NEGR1: variants seen among roughly 807,000 people sequenced by gnomAD.
The protein encoded by NEGR1 is neuronal growth regulator 1.
A neutral mutation model predicts 40.9 loss-of-function variants in NEGR1; 10 were observed. That is an observed-to-expected ratio of 0.24 (90% CI 0.15 to 0.42). The LOEUF is 0.42. Among genes scored for constraint, NEGR1 ranks in the 10% least tolerant of loss-of-function variants. NEGR1 has a pLI of 1.00. For synonymous variants in NEGR1, 185 were observed against 166.8 expected (o/e 1.11, Z -0.84); for missense variants, 352 against 438.9 (o/e 0.80, Z 1.77).
At chr1:71,502,915 T>A (rs1441748887) in intron 6 of NEGR1, among the ~76,000 whole-genome samples, 1 of 152,148 alleles carries the variant, frequency 6.6e-6, no homozygotes, top group East Asian at 1.9e-4. Context: ...GCAGCGATTC[T>A]TGGGGTGTGC....
intron 2 of NEGR1, among the ~76,000 whole-genome samples, chr1:71,857,177 T>C (rs1285019739): frequency 6.6e-6 from 1 of 152,006 alleles, no homozygotes; most frequent in Admixed American, 6.6e-5. Context: ...TTGAATACAA[T>C]ATAGACTTCA....
chr1:71,847,010 A>G (rs914963459), intron 2 of NEGR1, among the ~76,000 whole-genome samples: 1 of 152,174 alleles, frequency 6.6e-6, no homozygotes, highest in Non-Finnish European at 1.5e-5. Context: ...CTTCTCCCAC[A>G]GTACTTACTC....
intron 6 of NEGR1, among the ~76,000 whole-genome samples, chr1:71,457,119 T>G (rs1646678120): frequency 2.0e-5 from 3 of 152,162 alleles, no homozygotes; most frequent in Admixed American, 2.0e-4. Flanking sequence ...CCTGGGATTC[T>G]TCATTCACAA....
intron 1 of NEGR1, among the ~76,000 whole-genome samples, chr1:72,174,837 T>C (rs1203827189): frequency 1.3e-5 from 2 of 152,114 alleles, no homozygotes; most frequent in African/African-American, 4.8e-5. Context: ...CAACGAAGGA[T>C]AGTAAAAACA....
chr1:72,200,944 TATG>T (rs35404682), intron 1 of NEGR1, among the ~76,000 whole-genome samples: 19,603 of 151,906 alleles, frequency 0.13, 1,644 homozygotes, highest in Non-Finnish European at 0.19. Flanking sequence ...CACCTTTATA[TATG>T]ATAAGTGACA....
At chr1:72,183,027 C>G (rs546776933) in intron 1 of NEGR1, among the ~76,000 whole-genome samples, 1 of 151,684 alleles carries the variant, frequency 6.6e-6, no homozygotes, top group East Asian at 1.9e-4. Flanking sequence ...AAATCTAGAT[C>G]TCTTGTCTCC....
intron 4 of NEGR1, among the ~76,000 whole-genome samples, chr1:71,673,771 G>C (rs1307235095): frequency 6.8e-6 from 1 of 147,614 alleles, no homozygotes; most frequent in African/African-American, 2.5e-5. Flanking sequence ...CAGAGCAGAA[G>C]CCCATATGCA....
At chr1:72,271,233 A>C (rs1455756666) in intron 1 of NEGR1, among the ~76,000 whole-genome samples, 1 of 151,910 alleles carries the variant, frequency 6.6e-6, no homozygotes, top group Non-Finnish European at 1.5e-5. Context: ...AAAAATAAGT[A>C]ACATAAGCTC....
At chr1:72,234,355 C>T (rs759872554) in intron 1 of NEGR1, among the ~76,000 whole-genome samples, 6 of 151,964 alleles carry the variant, frequency 3.9e-5, no homozygotes, top group Middle Eastern at 3.4e-3. Context: ...ATTCTGGACA[C>T]GTGAACTGGC....
In NEGR1 at chr1:72,228,696, A is replaced by G. The variant is rs534549296; in HGVS notation, c.176+53623T>C. ...ATCAAAAGGAAGTATGGATACATCT[A>G]TAGACCAAAAGATGACCAGGGACTT... is the stretch of plus-strand genomic sequence containing the variant. On this transcript the variant is annotated intron_variant, in intron 1 of 6. Transcript: ENST00000357731. Among the ~76,000 whole-genome samples the G allele has an allele frequency of 2.0e-5, 3 of 152,272 alleles. No homozygotes were observed. In the South Asian group the frequency reaches 6.2e-4, roughly 32 times the overall value.
At chr1:72,159,595 TG>T (rs1397880218) in intron 1 of NEGR1, among the ~76,000 whole-genome samples, 6 of 152,168 alleles carry the variant, frequency 3.9e-5, no homozygotes. Context: ...TTAAAATATT[TG>T]GTTTCCATGA....
intron 1 of NEGR1, among the ~76,000 whole-genome samples, chr1:72,013,551 CTAAATA>C (rs1366869595): frequency 1.3e-5 from 2 of 152,040 alleles, no homozygotes; most frequent in South Asian, 2.1e-4. Flanking sequence ...CAATTAAAAT[CTAAATA>C]TAATTATGAC....
At chr1:72,042,068 A>G (rs1215725149) in intron 1 of NEGR1, among the ~76,000 whole-genome samples, 3 of 150,704 alleles carry the variant, frequency 2.0e-5, no homozygotes, top group Non-Finnish European at 4.4e-5. Flanking sequence ...TTGCAAGCCT[A>G]TGGGGTGAAT....
chr1:72,035,541 TTG>T (rs1437858899), intron 1 of NEGR1, among the ~76,000 whole-genome samples: 2 of 152,182 alleles, frequency 1.3e-5, no homozygotes, highest in Non-Finnish European at 2.9e-5. Context: ...GTTTTAGACT[TTG>T]TGTCTAGAGT....
chr1:72,186,902 T>C (rs952934792), intron 1 of NEGR1, among the ~76,000 whole-genome samples: 2 of 151,628 alleles, frequency 1.3e-5, no homozygotes, highest in African/African-American at 4.8e-5. Flanking sequence ...GGGATCTTCA[T>C]TCACCACTAG....
rs546295829 is a variant in NEGR1, at chr1:71,621,224, A to G, written c.668-10078T>C. Among the ~76,000 whole-genome samples the G allele has an allele frequency of 3.2e-4, 49 of 152,088 alleles. 1 individual carries two copies. The East Asian group carries it at 9.1e-3, about 28-fold the overall frequency. ...TCACATTTTACTCTCCCAGAATTCC[A>G]TCCATAGCCTACTTTTTTTAGCGTA... On this transcript the variant is annotated intron_variant, in intron 4 of 6. Coordinates refer to ENST00000357731, the MANE Select transcript of NEGR1 (RefSeq NM_173808.3).
At chr1:71,999,682 T>G (rs74089524) in intron 1 of NEGR1, among the ~76,000 whole-genome samples, 2 of 91,722 alleles carry the variant, frequency 2.2e-5, no homozygotes, top group Non-Finnish European at 4.4e-5. Context: ...TATATATACA[T>G]ACATATTTTT....
intron 3 of NEGR1, among the ~76,000 whole-genome samples, chr1:71,698,708 T>C (rs1193604377): frequency 6.6e-6 from 1 of 151,892 alleles, no homozygotes; most frequent in East Asian, 1.9e-4. Context: ...ACTCACGCAA[T>C]AAATCTTGGA....
intron 6 of NEGR1, among the ~76,000 whole-genome samples, chr1:71,451,459 G>A (rs1042126532): frequency 6.6e-5 from 10 of 150,972 alleles, no homozygotes; most frequent in South Asian, 4.2e-4. Flanking sequence ...TCAGCCTCCC[G>A]AGTAGCTGGG....
Sources: gnomAD v4.1 joint callset for allele counts (sites outside exome capture counted in the v4.1 genomes callset) on GRCh38, gnomAD v4.1.1 for gene constraint, MANE v1.5 for transcripts, NCBI Gene and HGNC (gene_info 2026-07-23, HGNC 2026-07-21) for gene names.